OTULIN: variants seen among roughly 807,000 people sequenced by gnomAD.
The protein encoded by OTULIN is ubiquitin thioesterase otulin.
Under a neutral mutation model 39.6 loss-of-function variants are expected in OTULIN, and 15 were observed. That is an observed-to-expected ratio of 0.38 (90% confidence interval 0.25 to 0.58). OTULIN has a LOEUF of 0.58. OTULIN is among the 20% of genes least tolerant of loss of function. The probability of loss-of-function intolerance (pLI) is 0.66; values close to 1 mark genes in which losing one functional copy is unlikely to be tolerated. For synonymous variants in OTULIN, 156 were observed against 170.3 expected, an observed-to-expected ratio of 0.92 and a Z score of 0.65; for missense variants, 319 against 445.9, an observed-to-expected ratio of 0.72 and a Z score of 2.56.
chr5:14,703,324 CAAAAAAAAAA>C (rs59779015), downstream of OTULIN, among the ~76,000 whole-genome samples: 24 of 122,094 alleles, frequency 2.0e-4, no homozygotes, highest in African/African-American at 7.1e-4. Flanking sequence ...TTAATAGTGT[CAAAAAAAAAA>C]AAAAAAAAAA....
chr5:14,701,986 A>G (rs1324976840), downstream of OTULIN, among the ~76,000 whole-genome samples: 3 of 152,166 alleles, frequency 2.0e-5, no homozygotes, highest in African/African-American at 4.8e-5. Context: ...CATTTCCATC[A>G]TAGTCTAGGG....
At chr5:14,701,717 C>T (rs185196913), downstream of OTULIN, among the ~76,000 whole-genome samples, 3 of 152,250 alleles carry the variant, frequency 2.0e-5, no homozygotes, top group African/African-American at 2.4e-5. Flanking sequence ...CAGGAGTCCC[C>T]GTTTGGTGTG....
intron 1 of OTULIN, among the ~76,000 whole-genome samples, chr5:14,665,946 A>G (rs1048518462): frequency 1.3e-5 from 2 of 152,238 alleles, no homozygotes; most frequent in Non-Finnish European, 2.9e-5. Flanking sequence ...TAAGATTGAA[A>G]GTCAGCGGGA....
In OTULIN at chr5:14,665,387, T is replaced by G. The variant is rs114073778; in HGVS notation, c.152+410T>G. ...AGAACGGCGCTGCGCGACTTGTTCT[T>G]GGAGGCGACGTCCCACCTGTTGGAC... is the stretch of plus-strand genomic sequence containing the variant. On this transcript the variant is annotated intron_variant, in intron 1 of 6. Transcript: ENST00000284274. 7.4e-3 allele frequency among the ~76,000 whole-genome samples: 1,128 copies of G among 152,328 alleles called. 9 individuals are homozygous for G. Among genetic ancestry groups the G allele is most frequent in the Non-Finnish European group, 0.014 (929 of 68,020 alleles).
At chr5:14,666,119 G>C (rs1051948366) in intron 1 of OTULIN, among the ~76,000 whole-genome samples, 24 of 152,186 alleles carry the variant, frequency 1.6e-4, no homozygotes, top group Admixed American at 1.5e-3. Context: ...CTACCCTGGT[G>C]GTGAGAACAG....
downstream of OTULIN, among the ~76,000 whole-genome samples, chr5:14,701,153 C>T (rs928915030): frequency 6.6e-6 from 1 of 152,242 alleles, no homozygotes; most frequent in Non-Finnish European, 1.5e-5. Context: ...CCCCCTCTGT[C>T]TCCCCACTTC....
downstream of OTULIN, among the ~76,000 whole-genome samples, chr5:14,703,966 A>G (rs1736865800): frequency 6.6e-6 from 1 of 152,196 alleles, no homozygotes; most frequent in African/African-American, 2.4e-5. Context: ...AACACTTTCT[A>G]CAATGTCTTA....
chr5:14,685,267 G>A (rs1253751145), intron 4 of OTULIN, among the ~76,000 whole-genome samples: 4 of 152,232 alleles, frequency 2.6e-5, no homozygotes, highest in South Asian at 2.1e-4. Context: ...AAGAATTACC[G>A]GCATATGCTA....
At chr5:14,667,918 C>G (rs1347453706) in intron 1 of OTULIN, among the ~76,000 whole-genome samples, 1 of 152,182 alleles carries the variant, frequency 6.6e-6, no homozygotes, top group Admixed American at 6.5e-5. Flanking sequence ...CACTCCACCC[C>G]CAATATCTGA....
At chr5:14,712,939 G>C in the OTULIN span, 1 of 1,613,638 alleles carries the variant, frequency 6.2e-7, no homozygotes, top group Non-Finnish European at 8.5e-7. Flanking sequence ...AAGCCCGCCA[G>C]GAGGGAGCCC....
rs1735784180 is a variant in OTULIN, at chr5:14,664,816, G to C, written c.-10G>C. On this transcript the variant is annotated 5_prime_UTR_variant, in exon 1 of 7. Coordinates refer to ENST00000284274, the MANE Select transcript of OTULIN (RefSeq NM_138348.6). ...GAGCCGGCTGAACCCCTTCGGCCGC[G>C]AGCGACCGCATGAGTCGGGGGACTA... is the stretch of plus-strand genomic sequence containing the variant. 3 of 1,216,232 alleles carry C rather than the reference G, an allele frequency of 2.5e-6. No homozygotes were observed. Among genetic ancestry groups the C allele is most frequent in the African/African-American group, 3.1e-5 (2 of 63,900 alleles). The allele number at this position is 1,216,232 out of a possible 1,614,324, so 75.3% of individuals were successfully genotyped here. A position where few individuals can be genotyped will look rare whatever the true frequency, so the allele number is the denominator to read the frequency against.
intron 4 of OTULIN, among the ~76,000 whole-genome samples, chr5:14,682,896 G>C (rs1347675072): frequency 6.6e-6 from 1 of 152,128 alleles, no homozygotes; most frequent in Non-Finnish European, 1.5e-5. Flanking sequence ...AATGTGGCCA[G>C]GATGCTTCTT....
In OTULIN at chr5:14,681,698, C is replaced by T. The variant is rs1050498102; in HGVS notation, c.468+91C>T. 14 of 1,389,130 alleles carry T rather than the reference C, an allele frequency of 1.0e-5. No individual in the cohort carries two copies. In the Admixed American group the frequency reaches 1.1e-4, roughly 11 times the overall value. 86.1% of individuals were successfully genotyped at this position (1,389,130 alleles called of 1,614,324 possible). On this transcript the variant is annotated intron_variant, in intron 4 of 6. Transcript: ENST00000284274. ...TTCTGTCCATGCTACCTTCTAGTATCGTCTGCAGTATGATGTCAGCATGTG... is the reference window on the plus strand; with the variant it reads ...TTCTGTCCATGCTACCTTCTAGTATTGTCTGCAGTATGATGTCAGCATGTG...
downstream of OTULIN, among the ~76,000 whole-genome samples, chr5:14,700,484 C>T (rs908142870): frequency 6.6e-6 from 1 of 152,134 alleles, no homozygotes; most frequent in African/African-American, 2.4e-5. Context: ...TGGTTCCAAA[C>T]TTGGGGATGT....
chr5:14,712,770 C>T, the OTULIN span: 3 of 1,132,074 alleles, frequency 2.7e-6, no homozygotes, highest in Non-Finnish European at 2.6e-6. Flanking sequence ...ACCAAGGATC[C>T]CCCACTGACG....
downstream of OTULIN, among the ~76,000 whole-genome samples, chr5:14,702,550 G>T (rs967808246): frequency 2.6e-5 from 4 of 152,174 alleles, no homozygotes; most frequent in Non-Finnish European, 4.4e-5. Flanking sequence ...GGCACTGGGG[G>T]AAAGAAGAAC....
intron 2 of OTULIN, among the ~76,000 whole-genome samples, chr5:14,676,721 T>C (rs1430188698): frequency 6.6e-6 from 1 of 152,208 alleles, no homozygotes; most frequent in East Asian, 1.9e-4. Context: ...GAGCTGGACA[T>C]GTGCTTTCTG....
In OTULIN at chr5:14,690,710, A is replaced by G. The variant is rs181811900; in HGVS notation, c.864+402A>G. Among the ~76,000 whole-genome samples, 321 of 152,316 alleles carry G rather than the reference A, an allele frequency of 2.1e-3. No homozygotes were observed. Among genetic ancestry groups the G allele is most frequent in the Non-Finnish European group, 2.5e-3 (170 of 68,016 alleles). ...TTTATGACCTAATCTAGGATGTCACACACTGTTAGATTGTTTTCTACTTTT... is the reference window on the plus strand; with the variant it reads ...TTTATGACCTAATCTAGGATGTCACGCACTGTTAGATTGTTTTCTACTTTT... On this transcript the variant is annotated intron_variant, in intron 6 of 6. Transcript: ENST00000284274. The surrounding 1 kb of genome is among the most constrained non-coding windows in gnomAD (Gnocchi z 4.5).
downstream of OTULIN, among the ~76,000 whole-genome samples, chr5:14,704,123 A>G (rs1315918268): frequency 6.6e-6 from 1 of 151,972 alleles, no homozygotes; most frequent in Non-Finnish European, 1.5e-5. Flanking sequence ...CAAGGTCAGG[A>G]GATCAAGACC....
Sources: gnomAD v4.1 joint callset for allele counts (sites outside exome capture counted in the v4.1 genomes callset) on GRCh38, gnomAD v4.1.1 for gene constraint, Gnocchi (gnomAD v3.1) non-coding constraint, MANE v1.5 for transcripts, NCBI Gene and HGNC (gene_info 2026-07-23, HGNC 2026-07-21) for gene names.